Variants in BRAP observed in about 807,000 individuals in gnomAD.
The protein encoded by BRAP is BRCA1-associated protein.
In BRAP, 42 loss-of-function variants were observed where a neutral mutation model predicts 73.4. The observed-to-expected ratio is 0.57, with a 90% CI of 0.45 to 0.74. BRAP has a LOEUF of 0.74. Ranked by LOEUF, BRAP falls within the 30% of genes least tolerant of loss-of-function variation. The pLI, the probability that BRAP is intolerant of heterozygous loss-of-function variation, is 0.00. For synonymous variants in BRAP, 255 were observed against 267.4 expected, an observed-to-expected ratio of 0.95 and a Z score of 0.45; for missense variants, 593 against 751.4, an observed-to-expected ratio of 0.79 and a Z score of 2.46.
In BRAP at chr12:111,679,465, G is replaced by C. The variant is rs1887517264; in HGVS notation, c.444-125C>G. 8 of 613,664 alleles carry C rather than the reference G, an allele frequency of 1.3e-5. No individual in the cohort carries two copies. The South Asian group carries it at 1.7e-4, about 13-fold the overall frequency. The allele number at this position is 613,664 out of a possible 1,614,324, so 38.0% of individuals were successfully genotyped here. A position where few individuals can be genotyped will look rare whatever the true frequency, so the allele number is the denominator to read the frequency against. The stretch of plus-strand genomic sequence containing the variant: ...AATTGTAATATTTCATTAATGAACT[G>C]TTCTATATTATACCCCCCATTGGAC... On this transcript the variant is annotated intron_variant, in intron 3 of 11. Transcript: ENST00000419234.
At chr12:111,651,628 T>G (rs1052997015) in intron 10 of BRAP, among the ~76,000 whole-genome samples, 16 of 150,882 alleles carry the variant, frequency 1.1e-4, no homozygotes, top group Admixed American at 4.0e-4. Context: ...GAAGAAAGAT[T>G]TCTTTTCTTT....
In BRAP at chr12:111,659,291, G is replaced by A. The variant is rs752269160; in HGVS notation, c.1027C>T (p.Arg343Ter). Residue 343 changes from arginine (R) to a stop codon, truncating the protein, a stop_gained, in exon 8 of 12, where the codon CGA becomes TGA. Transcript: ENST00000419234. LOFTEE classifies it high-confidence loss of function. ...GHIGCGRYVS[R>*]HAYKHFEETQ... Reference sequence around the variant, plus strand: ...TCCTCAAAGTGCTTATAAGCATGTCGACTGACATACCGTCCACATCCTATG... The same window carrying A: ...TCCTCAAAGTGCTTATAAGCATGTCAACTGACATACCGTCCACATCCTATG... 6.2e-7 allele frequency: 1 copy of A among 1,613,966 alleles called. No individual in the cohort carries two copies. Among genetic ancestry groups the A allele is most frequent in the Non-Finnish European group, 8.5e-7 (1 of 1,179,930 alleles).
At chr12:111,681,537 A>T in intron 3 of BRAP, 100 bp downstream of exon 3, 1 of 966,786 alleles carries the variant, frequency 1.0e-6, no homozygotes, top group Non-Finnish European at 1.5e-6. Context: ...TTTGAAGCTT[A>T]AAATACCCAC....
chr12:111,644,185 T>C lies in BRAP; in HGVS notation c.*14A>G, dbSNP rs1273479344. 6.2e-7 allele frequency: 1 copy of C among 1,603,548 alleles called. No individual in the cohort carries two copies. On this transcript the variant is annotated 3_prime_UTR_variant, in exon 12 of 12. Coordinates refer to ENST00000419234, the MANE Select transcript of BRAP (RefSeq NM_006768.5). ...CAGGGAGAACAGTCTCAGGGATGTC[T>C]GTTGCTCTGAAGGTCACTTGCCCCT...
intron 10 of BRAP, among the ~76,000 whole-genome samples, chr12:111,650,564 C>A (rs1886280560): frequency 6.6e-6 from 1 of 152,044 alleles, no homozygotes; most frequent in Non-Finnish European, 1.5e-5. Context: ...CCGTGCCCGG[C>A]CTAATTTTTC....
intron 9 of BRAP, among the ~76,000 whole-genome samples, chr12:111,656,840 C>A (rs1267701514): frequency 6.6e-6 from 1 of 152,012 alleles, no homozygotes. Flanking sequence ...CTCAAGGGAT[C>A]CTCCTGCCTC....
chr12:111,684,670 TTTTG>T (rs923504496), intron 1 of BRAP, among the ~76,000 whole-genome samples: 1 of 152,038 alleles, frequency 6.6e-6, no homozygotes, highest in African/African-American at 2.4e-5. Context: ...TAAGTTTTTT[TTTTG>T]TTTTTTTTTT....
At chr12:111,651,639 T>C (rs560602388) in intron 10 of BRAP, among the ~76,000 whole-genome samples, 13 of 147,620 alleles carry the variant, frequency 8.8e-5, no homozygotes, top group South Asian at 8.7e-4. Flanking sequence ...TCTTTTCTTT[T>C]TTTTTTTTTT....
chr12:111,645,571 C>A (rs944514620), intron 11 of BRAP, among the ~76,000 whole-genome samples: 1 of 152,098 alleles, frequency 6.6e-6, no homozygotes, highest in Non-Finnish European at 1.5e-5. Context: ...GACTTCATTG[C>A]ATTTGCTGAA....
At chr12:111,672,405 A>G (rs1887213153) in intron 5 of BRAP, among the ~76,000 whole-genome samples, 1 of 152,060 alleles carries the variant, frequency 6.6e-6, no homozygotes. Context: ...TATACAGTTC[A>G]TTGGCTTGTA....
intron 10 of BRAP, among the ~76,000 whole-genome samples, chr12:111,651,000 TGAAGATCTGCGAACTTGG>T (rs1166202135): frequency 6.6e-6 from 1 of 152,118 alleles, no homozygotes; most frequent in African/African-American, 2.4e-5. Context: ...CACTCCTGTG[TGAAGATCTGCGAACTTGG>T]GAATTTCCTC....
intron 4 of BRAP, among the ~76,000 whole-genome samples, chr12:111,674,215 T>C (rs1274141734): frequency 6.6e-6 from 1 of 152,118 alleles, no homozygotes; most frequent in South Asian, 2.1e-4. Flanking sequence ...AATGAGGTAA[T>C]TGTGAATTCT....
chr12:111,661,426 T>C (rs1261254265), intron 6 of BRAP, among the ~76,000 whole-genome samples: 1 of 151,812 alleles, frequency 6.6e-6, no homozygotes, highest in Non-Finnish European at 1.5e-5. Flanking sequence ...ACTACAGGCA[T>C]GCGCCACCAC....
chr12:111,656,657 T>C (rs2093606744), intron 9 of BRAP, among the ~76,000 whole-genome samples: 1 of 152,162 alleles, frequency 6.6e-6, no homozygotes, highest in East Asian at 1.9e-4. Flanking sequence ...CTAAGCTCCA[T>C]GAGAGCAGGG....
chr12:111,680,761 T>C (rs779168360), intron 3 of BRAP, among the ~76,000 whole-genome samples: 2 of 151,978 alleles, frequency 1.3e-5, no homozygotes, highest in Non-Finnish European at 2.9e-5. Context: ...GAATAGTCAC[T>C]GTTTTCCCAG....
At chr12:111,671,645 C>G (rs894934995) in intron 5 of BRAP, among the ~76,000 whole-genome samples, 2 of 149,638 alleles carry the variant, frequency 1.3e-5, no homozygotes, top group African/African-American at 2.5e-5. Context: ...AATGCTTGAG[C>G]TGAGGAGTTC....
At chr12:111,669,974 T>A in intron 5 of BRAP, 1 of 653,452 alleles carries the variant, frequency 1.5e-6, no homozygotes, top group Non-Finnish European at 2.9e-6. Context: ...TGTTGGTGTA[T>A]CCCTTCCAAT....
chr12:111,670,077 G>C, intron 5 of BRAP: 1 of 627,208 alleles, frequency 1.6e-6, no homozygotes, highest in Non-Finnish European at 3.1e-6. Flanking sequence ...AGTGCTTGGA[G>C]CAAGAGTTGG....
chr12:111,676,555 A>C (rs1310568072), intron 4 of BRAP, among the ~76,000 whole-genome samples: 2 of 152,196 alleles, frequency 1.3e-5, no homozygotes, highest in Non-Finnish European at 2.9e-5. Flanking sequence ...CTGAGATTAC[A>C]GGCGTGCGCC....
Sources: allele counts gnomAD v4.1 joint callset (sites outside exome capture counted in the v4.1 genomes callset), GRCh38; gene constraint gnomAD v4.1.1; transcripts MANE v1.5; gene names NCBI Gene and HGNC (gene_info 2026-07-23, HGNC 2026-07-21).